Variants in ZYG11A observed in about 807,000 individuals in gnomAD.
ZYG11A encodes the protein protein zyg-11 homolog A.
ZYG11A carries 62 observed loss-of-function variants against 77.2 expected under a neutral mutation model. The ratio of observed to expected loss-of-function variants is 0.80; its 90% CI spans 0.65 to 0.99. The LOEUF (loss-of-function observed/expected upper bound fraction) is 0.99, where lower values mean the gene tolerates loss of function less well. ZYG11A is among the 50% of genes least tolerant of loss of function. ZYG11A has a pLI of 0.00. For synonymous variants in ZYG11A, 315 were observed against 324.6 expected, an observed-to-expected ratio of 0.97 and a Z score of 0.32; for missense variants, 828 against 896.8, an observed-to-expected ratio of 0.92 and a Z score of 0.98.
At position 52,864,125 on chromosome 1, in the gene ZYG11A, A is replaced by G; in HGVS notation, c.1294A>G (p.Lys432Glu). 1 of 1,551,348 alleles carries G rather than the reference A, an allele frequency of 6.4e-7. No individual in the cohort carries two copies. Among genetic ancestry groups the G allele is most frequent in the Non-Finnish European group, 8.7e-7 (1 of 1,146,938 alleles). ...GTCAGAGGTCACCTGTCTACTTTTC[A>G]AGGCTCTGAAAAATTTCCCCCATTA... ...LLSEVTCLLF[K>E]ALKNFPHYQQ... The change falls in exon 5 of 14, where the codon AAG (lysine) becomes GAG (glutamate). Residue 432 changes from lysine to glutamate, a missense_variant. Transcript: ENST00000371528.
Position 52,886,879 on chromosome 1 carries a change from A to G in ZYG11A, c.2007-77A>G, listed in dbSNP as rs921348450. ...TTATATACATTATTATATTAATTAT[A>G]TAGTACAAATTATTATATCCCTGAG... On this transcript the variant is annotated intron_variant, in intron 12 of 13. Transcript: ENST00000371528. The G allele has an allele frequency of 1.4e-5, 8 of 575,856 alleles. No homozygotes were observed. In the East Asian group the frequency reaches 1.7e-4, roughly 12 times the overall value. The allele number at this position is 575,856 out of a possible 1,614,324, so 35.7% of individuals were successfully genotyped here. A position where few individuals can be genotyped will look rare whatever the true frequency, so the allele number is the denominator to read the frequency against.
Position 52,885,914 on chromosome 1 carries a change from CT to C in ZYG11A, c.2006+24del. The C allele has an allele frequency of 6.7e-7, 1 of 1,498,000 alleles. No homozygotes were observed. Among genetic ancestry groups the C allele is most frequent in the Non-Finnish European group, 8.9e-7 (1 of 1,121,828 alleles). 92.8% of individuals were successfully genotyped at this position (1,498,000 alleles called of 1,614,324 possible). On this transcript the variant is annotated intron_variant, in intron 12 of 13. Coordinates refer to ENST00000371528, the MANE Select transcript of ZYG11A (RefSeq NM_001004339.3). ...CTATAGGTAATTTCATGGTGTTGTG[CT>C]TTTCTTCTTTTTTTTTTCTTCTTTT...
intron 10 of ZYG11A, 129 bp from the exon 11 acceptor site, chr1:52,881,342 G>A (rs1195811719): frequency 4.9e-6 from 3 of 613,116 alleles, no homozygotes; most frequent in Admixed American, 6.7e-5. Context: ...CTAGCTTGAG[G>A]CGGAGGCGGG....
chr1:52,842,883 C>A lies in ZYG11A; in HGVS notation c.-1C>A, dbSNP rs983254258. 16 of 1,531,408 alleles carry A rather than the reference C, an allele frequency of 1.0e-5. No individual in the cohort carries two copies. The East Asian group carries it at 2.1e-4, about 20-fold the overall frequency. 94.9% of individuals were successfully genotyped at this position (1,531,408 alleles called of 1,614,324 possible). ...TTTGACGCCCCGCCGCCGGGGTTGC[C>A]ATGGTTCATTTCTTGCACCCGGGCC... On this transcript the variant is annotated 5_prime_UTR_variant, in exon 1 of 14. Transcript: ENST00000371528.
chr1:52,867,497 A>G (rs1449773913), intron 6 of ZYG11A, 42 bp from the exon 7 acceptor site: 2 of 1,323,642 alleles, frequency 1.5e-6, no homozygotes, highest in Admixed American at 4.0e-5. Context: ...AGTTTCACAA[A>G]CTTTATATAT....
At position 52,864,147 on chromosome 1, in the gene ZYG11A, A is replaced by G. The variant is rs760946293; in HGVS notation, c.1316A>G (p.His439Arg). 1.4e-5 allele frequency: 21 copies of G among 1,551,148 alleles called. No homozygotes were observed. Among genetic ancestry groups the G allele is most frequent in the Non-Finnish European group, 1.6e-5 (18 of 1,146,864 alleles). ...LLFKALKNFP[H>R]YQQLQKNCLL... ...TTCAAGGCTCTGAAAAATTTCCCCCATTACCAGCAGGTAATTTCAATTGAA... is the reference window on the plus strand; with the variant it reads ...TTCAAGGCTCTGAAAAATTTCCCCCGTTACCAGCAGGTAATTTCAATTGAA... The change falls in exon 5 of 14, where the codon CAT becomes CGT. Residue 439 changes from histidine to arginine, a missense_variant. Physicochemically the swap from His to Arg is conservative, Grantham distance 29. Transcript: ENST00000371528.
At chr1:52,891,335 A>G (rs1646539361) in intron 13 of ZYG11A, among the ~76,000 whole-genome samples, 1 of 149,444 alleles carries the variant, frequency 6.7e-6, no homozygotes, top group African/African-American at 2.5e-5. Flanking sequence ...TGTGGTCTTT[A>G]TCTGATCTTA....
chr1:52,885,733 A>G, intron 11 of ZYG11A, 100 bp from the exon 12 acceptor site: 2 of 798,968 alleles, frequency 2.5e-6, no homozygotes, highest in East Asian at 2.7e-5. Flanking sequence ...TGCCAAGTAG[A>G]TGTATCTAAA....
rs571035804 is a variant in ZYG11A at position 52,893,200 on chromosome 1, G to C, written c.*243G>C. 460 of 443,634 alleles carry C rather than the reference G, an allele frequency of 1.0e-3. 1 individual carries two copies. The highest frequency in any genetic ancestry group is 1.6e-3 in the Non-Finnish European group (386 of 247,170). The allele number at this position is 443,634 out of a possible 1,614,324, so 27.5% of individuals were successfully genotyped here. On this transcript the variant is annotated 3_prime_UTR_variant, in exon 14 of 14. Coordinates refer to ENST00000371528, the MANE Select transcript of ZYG11A (RefSeq NM_001004339.3). ...GACTCAAACCGTGGACTCTGGGAAG[G>C]CCTGGGAGCTTGTGTTGGAACAGCT...
At chr1:52,881,792 CAT>C (rs1436143094) in intron 11 of ZYG11A, 127 bp downstream of exon 11, 1 of 672,760 alleles carries the variant, frequency 1.5e-6, no homozygotes. Context: ...ATTACTAACC[CAT>C]ATCTTTCCAT....
chr1:52,878,391 CCA>C (rs1252520963), intron 10 of ZYG11A, among the ~76,000 whole-genome samples: 5 of 152,038 alleles, frequency 3.3e-5, no homozygotes, highest in Admixed American at 3.3e-4. Flanking sequence ...ACAGGCTTCT[CCA>C]CATGGCAATC....
At chr1:52,885,156 C>A (rs942446200) in intron 11 of ZYG11A, among the ~76,000 whole-genome samples, 2 of 152,124 alleles carry the variant, frequency 1.3e-5, no homozygotes, top group African/African-American at 4.8e-5. Flanking sequence ...GTGATCTACC[C>A]GCCTTGGCCT....
chr1:52,856,919 CTTAA>C (rs1645823391), intron 2 of ZYG11A, 75 bp from the exon 3 acceptor site: 2 of 1,399,868 alleles, frequency 1.4e-6, no homozygotes, highest in African/African-American at 2.9e-5. Flanking sequence ...TAACATCTGT[CTTAA>C]TTCTTTGCCA....
chr1:52,865,708 CAAAAG>C (rs2150003600), intron 5 of ZYG11A, among the ~76,000 whole-genome samples: 1 of 152,100 alleles, frequency 6.6e-6, no homozygotes, highest in African/African-American at 2.4e-5. Flanking sequence ...AGGCCAAACT[CAAAAG>C]AGCAGAAGTA....
rs1211393905 is a variant in ZYG11A, at chr1:52,857,116, TA to T, written c.377del (p.Lys126SerfsTer5). On this transcript the variant is annotated frameshift_variant, in exon 3 of 14. Transcript: ENST00000371528. LOFTEE classifies it high-confidence loss of function. ...AAFIKAFCRH[K>X]LIELNATAVH... ...CATTCATAAAAGCCTTCTGCCGTCA[TA>T]AGCTCATTGAACTGAATGCTACTGC... 6.4e-7 allele frequency: 1 copy of T among 1,551,752 alleles called. No homozygotes were observed. Among genetic ancestry groups the T allele is most frequent in the Non-Finnish European group, 8.7e-7 (1 of 1,147,046 alleles).
intron 13 of ZYG11A, 107 bp from the exon 14 acceptor site, chr1:52,892,675 A>G (rs1316386840): frequency 7.1e-6 from 7 of 984,892 alleles, no homozygotes; most frequent in Non-Finnish European, 1.0e-5. Context: ...TCCTAGGCCA[A>G]AGAGCTTAAA....
At chr1:52,848,458 A>G (rs553453488) in intron 1 of ZYG11A, among the ~76,000 whole-genome samples, 1 of 152,236 alleles carries the variant, frequency 6.6e-6, no homozygotes, top group South Asian at 2.1e-4. Context: ...TGCTTCCGAA[A>G]TCAGTGGGTT....
intron 2 of ZYG11A, among the ~76,000 whole-genome samples, chr1:52,855,536 A>G (rs924043432): frequency 6.6e-6 from 1 of 152,176 alleles, no homozygotes; most frequent in Non-Finnish European, 1.5e-5. Flanking sequence ...TCAGAAAGAA[A>G]CCTTGTGCCC....
intron 13 of ZYG11A, 116 bp downstream of exon 13, chr1:52,887,169 G>A: frequency 2.3e-6 from 1 of 439,254 alleles, no homozygotes; most frequent in Non-Finnish European, 4.0e-6. Flanking sequence ...GAATTTAGGT[G>A]TGTTTAAAAA....
Sources: gnomAD v4.1 joint callset for allele counts (sites outside exome capture counted in the v4.1 genomes callset) on GRCh38, gnomAD v4.1.1 for gene constraint, MANE v1.5 for transcripts, NCBI Gene and HGNC (gene_info 2026-07-23, HGNC 2026-07-21) for gene names.